Variants in SEMA5A observed in about 807,000 individuals in gnomAD.
The protein encoded by SEMA5A is semaphorin-5A.
SEMA5A carries 55 observed loss-of-function variants against 135.5 expected under a neutral mutation model. The observed-to-expected ratio is 0.41, with a 90% CI of 0.33 to 0.51. SEMA5A has a LOEUF of 0.51. Ranked by LOEUF, SEMA5A falls within the 20% of genes least tolerant of loss-of-function variation. The probability of loss-of-function intolerance (pLI) is 0.37; values close to 1 mark genes in which losing one functional copy is unlikely to be tolerated. For synonymous variants in SEMA5A, 580 were observed against 546.5 expected (o/e 1.06, Z -0.85); for missense variants, 1,290 against 1,419.9 (o/e 0.91, Z 1.47).
chr5:9,489,538 G>C (rs1734897302), intron 1 of SEMA5A, among the ~76,000 whole-genome samples: 1 of 152,114 alleles, frequency 6.6e-6, no homozygotes, highest in African/African-American at 2.4e-5. Context: ...GGGTTACACG[G>C]CCAATATGTC....
intron 2 of SEMA5A, among the ~76,000 whole-genome samples, chr5:9,407,109 C>A (rs542069840): frequency 1.3e-5 from 2 of 152,174 alleles, no homozygotes; most frequent in African/African-American, 4.8e-5. Context: ...ACAGTCTTGA[C>A]AATCTTAGTG....
At chr5:9,387,703 T>C (rs936885033) in intron 2 of SEMA5A, among the ~76,000 whole-genome samples, 2 of 152,214 alleles carry the variant, frequency 1.3e-5, no homozygotes, top group African/African-American at 2.4e-5. Context: ...TGGAATTAAA[T>C]GAAGAATCAA....
intron 11 of SEMA5A, among the ~76,000 whole-genome samples, chr5:9,176,032 T>A (rs373975760): frequency 2.6e-5 from 4 of 152,192 alleles, no homozygotes; most frequent in South Asian, 2.1e-4. Context: ...AATATGACAG[T>A]GTGTCACTCC....
At chr5:9,222,092 G>A (rs1024540794) in intron 8 of SEMA5A, among the ~76,000 whole-genome samples, 11 of 152,306 alleles carry the variant, frequency 7.2e-5, no homozygotes, top group South Asian at 2.1e-4. Context: ...CAGTGCAGGC[G>A]GGCAGGAGTG....
At chr5:9,474,315 G>T (rs1270690652) in intron 1 of SEMA5A, among the ~76,000 whole-genome samples, 1 of 152,042 alleles carries the variant, frequency 6.6e-6, no homozygotes, top group Non-Finnish European at 1.5e-5. Flanking sequence ...TGAAGCCAAG[G>T]CTAACCCAAA....
chr5:9,356,411 T>G (rs1754450048), intron 3 of SEMA5A, among the ~76,000 whole-genome samples: 1 of 152,102 alleles, frequency 6.6e-6, no homozygotes, highest in African/African-American at 2.4e-5. Flanking sequence ...GTAACACACA[T>G]TTTTTGCTTT....
chr5:9,543,394 T>C (rs1301155279), intron 1 of SEMA5A, among the ~76,000 whole-genome samples: 1 of 152,194 alleles, frequency 6.6e-6, no homozygotes. Flanking sequence ...AGACACGTGA[T>C]GAAATCATTT....
intron 1 of SEMA5A, among the ~76,000 whole-genome samples, chr5:9,467,940 AC>A (rs1759323408): frequency 6.6e-6 from 1 of 152,364 alleles, no homozygotes; most frequent in Non-Finnish European, 1.5e-5. Flanking sequence ...GCAGAGTCTA[AC>A]TAATCTTTAC....
intron 5 of SEMA5A, among the ~76,000 whole-genome samples, chr5:9,289,807 A>G (rs1253884592): frequency 6.6e-6 from 1 of 152,230 alleles, no homozygotes; most frequent in Non-Finnish European, 1.5e-5. Flanking sequence ...TGATGTCAAT[A>G]TCTTGTGCTC....
At chr5:9,431,487 G>A (rs958294452) in intron 2 of SEMA5A, among the ~76,000 whole-genome samples, 3 of 152,108 alleles carry the variant, frequency 2.0e-5, no homozygotes, top group Non-Finnish European at 4.4e-5. Context: ...AAATGACTCT[G>A]ATTTCTTTGT....
chr5:9,046,503 G>T (rs1736263810), intron 21 of SEMA5A, among the ~76,000 whole-genome samples: 1 of 152,186 alleles, frequency 6.6e-6, no homozygotes, highest in Admixed American at 6.5e-5. Context: ...GTGTCAAAGG[G>T]AGGGTCACTG....
chr5:9,150,752 T>C (rs1019137397), intron 12 of SEMA5A, among the ~76,000 whole-genome samples: 1 of 152,110 alleles, frequency 6.6e-6, no homozygotes, highest in African/African-American at 2.4e-5. Flanking sequence ...TAAAACCTCC[T>C]TCATGTTTGC....
intron 16 of SEMA5A, among the ~76,000 whole-genome samples, chr5:9,103,589 A>G (rs1739743271): frequency 6.6e-6 from 1 of 152,134 alleles, no homozygotes; most frequent in African/African-American, 2.4e-5. Flanking sequence ...GCTTGTGGTC[A>G]ATTGTTTCAC....
At chr5:9,485,479 T>C (rs268518) in intron 1 of SEMA5A, among the ~76,000 whole-genome samples, 147,283 of 152,276 alleles carry the variant, frequency 0.97, 71,474 homozygotes, top group Non-Finnish European at 0.99. Flanking sequence ...AGACAACAAA[T>C]GCAATGAGCA....
intron 5 of SEMA5A, among the ~76,000 whole-genome samples, chr5:9,299,576 T>C (rs910629236): frequency 6.6e-6 from 1 of 152,120 alleles, no homozygotes; most frequent in Non-Finnish European, 1.5e-5. Flanking sequence ...GCAGAAAATC[T>C]TCACTAGTGA....
At chr5:9,413,222 C>T (rs1318302976) in intron 2 of SEMA5A, among the ~76,000 whole-genome samples, 4 of 152,108 alleles carry the variant, frequency 2.6e-5, no homozygotes, top group African/African-American at 4.8e-5. Context: ...CTCAAATTGT[C>T]ATGGGAATGG....
At chr5:9,216,521 T>A (rs183248265) in intron 8 of SEMA5A, among the ~76,000 whole-genome samples, 27 of 152,330 alleles carry the variant, frequency 1.8e-4, no homozygotes, top group Admixed American at 3.9e-4. Flanking sequence ...CAATGTTGAA[T>A]TCAGGTCCTG....
At chr5:9,438,647 CT>C (rs947388556) in intron 1 of SEMA5A, among the ~76,000 whole-genome samples, 7 of 152,162 alleles carry the variant, frequency 4.6e-5, no homozygotes, top group African/African-American at 1.7e-4. Context: ...AGGGCTCATG[CT>C]TTTTTCTGTT....
At chr5:9,299,637 C>T (rs531440987) in intron 5 of SEMA5A, among the ~76,000 whole-genome samples, 21 of 152,288 alleles carry the variant, frequency 1.4e-4, no homozygotes, top group African/African-American at 4.8e-4. Flanking sequence ...TTAAGCATCC[C>T]TTGAGGCATA....
Sources: gnomAD v4.1 joint callset for allele counts (sites outside exome capture counted in the v4.1 genomes callset) on GRCh38, gnomAD v4.1.1 for gene constraint, MANE v1.5 for transcripts, NCBI Gene and HGNC (gene_info 2026-07-23, HGNC 2026-07-21) for gene names.